TTC13: variants seen among roughly 807,000 people sequenced by gnomAD.
TTC13 encodes tetratricopeptide repeat protein 13.
Under a neutral mutation model 120.0 loss-of-function variants are expected in TTC13, and 62 were observed. That is an observed-to-expected ratio of 0.52 (90% CI 0.42 to 0.64). The LOEUF (loss-of-function observed/expected upper bound fraction) is 0.64. Among genes scored for constraint, TTC13 ranks in the 30% least tolerant of loss-of-function variants. TTC13 has a pLI of 0.00. For missense variants in TTC13, 824 were observed against 1,050.2 expected, an observed-to-expected ratio of 0.78 and a Z score of 2.98; for synonymous variants, 384 against 393.5, an observed-to-expected ratio of 0.98 and a Z score of 0.28.
chr1:230,922,306 T>G (rs1490174752), intron 15 of TTC13, among the ~76,000 whole-genome samples: 2 of 152,110 alleles, frequency 1.3e-5, no homozygotes, highest in Non-Finnish European at 2.9e-5. Context: ...CCTCTCCAAC[T>G]CACTACCACA....
rs747003518 is a variant in TTC13 at position 230,911,459 on chromosome 1, A to C, written c.2309+11T>G. On this transcript the variant is annotated intron_variant, in intron 20 of 22. Coordinates refer to ENST00000366661, the MANE Select transcript of TTC13 (RefSeq NM_024525.5). ...AATTTAAAATAATTTTAATGACAGGATATTACTTACCTGGATCCTCGAGAG... is the reference window on the plus strand; with the variant it reads ...AATTTAAAATAATTTTAATGACAGGCTATTACTTACCTGGATCCTCGAGAG... 1.3e-6 allele frequency: 2 copies of C among 1,547,186 alleles called. No homozygotes were observed. The highest frequency in any genetic ancestry group is 1.9e-5 in the Admixed American group (1 of 51,780).
intron 15 of TTC13, among the ~76,000 whole-genome samples, chr1:230,922,386 C>T (rs749517598): frequency 5.3e-5 from 8 of 152,292 alleles, no homozygotes; most frequent in East Asian, 1.9e-4. Context: ...CCCTTACCTC[C>T]GAGGTTCCTG....
chr1:230,978,551 C>A lies in TTC13; in HGVS notation c.271+9G>T. ...CGGCCGACTCGGACGCCCGCCGCCG[C>A]CCACTCACCGCCGCACTCGGCAGAG... is the stretch of plus-strand genomic sequence containing the variant. On this transcript the variant is annotated intron_variant, in intron 1 of 22. Coordinates refer to ENST00000366661, the MANE Select transcript of TTC13 (RefSeq NM_024525.5). This position sits in a 1 kb window ranked among gnomAD's most constrained non-coding sequence, Gnocchi z 5.6. 2.0e-6 allele frequency: 2 copies of A among 984,098 alleles called. No individual in the cohort carries two copies. The allele number at this position is 984,098 out of a possible 1,614,324, so 61.0% of individuals were successfully genotyped here.
intron 18 of TTC13, among the ~76,000 whole-genome samples, chr1:230,915,109 T>C (rs182079972): frequency 2.6e-4 from 39 of 152,270 alleles, no homozygotes; most frequent in African/African-American, 8.7e-4. Context: ...TTCAAAGATA[T>C]AGAAAAGCCC....
intron 8 of TTC13, among the ~76,000 whole-genome samples, chr1:230,934,256 G>T (rs150030377): frequency 1.3e-5 from 2 of 152,166 alleles, no homozygotes; most frequent in African/African-American, 2.4e-5. Flanking sequence ...AATTTAAAAT[G>T]ATCATAACTG....
At chr1:230,955,284 T>G (rs943616522) in intron 3 of TTC13, among the ~76,000 whole-genome samples, 8 of 152,182 alleles carry the variant, frequency 5.3e-5, no homozygotes, top group Admixed American at 3.9e-4. Flanking sequence ...TACTGCAATA[T>G]CCTTTAGGAC....
intron 1 of TTC13, among the ~76,000 whole-genome samples, chr1:230,970,299 G>C (rs1437567213): frequency 2.0e-5 from 3 of 152,242 alleles, no homozygotes; most frequent in African/African-American, 7.2e-5. Context: ...AGGTCCAAGA[G>C]AGAGTGGAGT....
At chr1:230,966,946 T>G (rs1677185614) in intron 1 of TTC13, among the ~76,000 whole-genome samples, 1 of 152,050 alleles carries the variant, frequency 6.6e-6, no homozygotes, top group Non-Finnish European at 1.5e-5. Flanking sequence ...CTGAGGGAAA[T>G]TATGGATTTC....
In TTC13 at chr1:230,939,378, A is replaced by T. The variant is rs762811943; in HGVS notation, c.900+8T>A. The T allele has an allele frequency of 1.2e-4, 193 of 1,578,052 alleles. No individual in the cohort carries two copies. Among genetic ancestry groups the T allele is most frequent in the Non-Finnish European group, 1.6e-4 (181 of 1,149,250 alleles). ...ATCATATGGTACACATATGCACAAC[A>T]CTTTCACCTTCAGAAGTCCTCTGTG... On this transcript the variant is annotated splice_region_variant and intron_variant, in intron 8 of 22. Transcript: ENST00000366661.
chr1:230,970,678 T>C (rs1677643652), intron 1 of TTC13, among the ~76,000 whole-genome samples: 1 of 152,158 alleles, frequency 6.6e-6, no homozygotes, highest in South Asian at 2.1e-4. Context: ...GAAGGTGGCA[T>C]TGGCAGTAGC....
At chr1:230,976,891 T>C (rs909588048) in intron 1 of TTC13, among the ~76,000 whole-genome samples, 1 of 152,176 alleles carries the variant, frequency 6.6e-6, no homozygotes, top group Non-Finnish European at 1.5e-5. Context: ...TATTAATCGA[T>C]ACATACCTTC....
At chr1:230,950,290 TTAAAAAGTTTCTA>T (rs1675447172) in intron 4 of TTC13, among the ~76,000 whole-genome samples, 1 of 152,002 alleles carries the variant, frequency 6.6e-6, no homozygotes, top group African/African-American at 2.4e-5. Context: ...AAAAGTTTCT[TTAAAAAGTTTCTA>T]TACTCTTAAA....
In TTC13 at chr1:230,944,262, C is replaced by T. The variant is rs1163979668; in HGVS notation, c.580-364G>A. Among the ~76,000 whole-genome samples the T allele has an allele frequency of 6.6e-6, 1 of 152,150 alleles. No homozygotes were observed. Among genetic ancestry groups the T allele is most frequent in the Non-Finnish European group, 1.5e-5 (1 of 68,038 alleles). On this transcript the variant is annotated intron_variant, in intron 5 of 22. Transcript: ENST00000366661. The surrounding 1 kb of genome is among the most constrained non-coding windows in gnomAD (Gnocchi z 4.0). ...AGGCTGACCTGTGGCAACAGGGGAA[C>T]AGAAATGGGTCAAGACAGTGTCTAT...
chr1:230,914,979 G>A (rs6677795), intron 18 of TTC13, among the ~76,000 whole-genome samples: 102,827 of 151,606 alleles, frequency 0.68, 34,942 homozygotes, highest in Admixed American at 0.72. Context: ...GATACACATC[G>A]TGGATGTGTG....
intron 19 of TTC13, among the ~76,000 whole-genome samples, chr1:230,912,096 G>C (rs1297650701): frequency 1.3e-5 from 2 of 152,132 alleles, no homozygotes; most frequent in Non-Finnish European, 2.9e-5. Flanking sequence ...GTGGTGGGGA[G>C]AGAATGTCCA....
chr1:230,921,283 G>A lies in TTC13; in HGVS notation c.1898+138C>T, dbSNP rs112228011. ...AGAAAGTGATTATGAAAGCCTTTAC[G>A]ATTCTAAACACTGTGTAAAAATTTG... is the stretch of plus-strand genomic sequence containing the variant. On this transcript the variant is annotated intron_variant, in intron 16 of 22. Transcript: ENST00000366661. 91 of 519,262 alleles carry A rather than the reference G, an allele frequency of 1.8e-4. 1 individual carries two copies. The highest frequency in any genetic ancestry group is 1.6e-3 in the African/African-American group (77 of 49,260). 32.2% of individuals were successfully genotyped at this position (519,262 alleles called of 1,614,324 possible).
rs1228530687 is a variant in TTC13, at chr1:230,906,711, T to C, written c.*194A>G. The C allele has an allele frequency of 9.4e-6, 3 of 319,548 alleles. No individual in the cohort carries two copies. The highest frequency in any genetic ancestry group is 4.9e-5 in the Admixed American group (1 of 20,418). 19.8% of individuals were successfully genotyped at this position (319,548 alleles called of 1,614,324 possible). On this transcript the variant is annotated 3_prime_UTR_variant, in exon 23 of 23. Coordinates refer to ENST00000366661, the MANE Select transcript of TTC13 (RefSeq NM_024525.5). ...TTTCCCTCCAAGTCAAGTAGCTTTTTCCCCCCGAAAGCCTCTTTCATGATT... is the reference window on the plus strand; with the variant it reads ...TTTCCCTCCAAGTCAAGTAGCTTTTCCCCCCCGAAAGCCTCTTTCATGATT...
At chr1:230,914,136 A>C (rs1671783570) in intron 18 of TTC13, among the ~76,000 whole-genome samples, 1 of 152,172 alleles carries the variant, frequency 6.6e-6, no homozygotes. Flanking sequence ...AAGTGAGGTG[A>C]AGCAGGAAAT....
rs74143522 is a variant in TTC13 at position 230,970,856 on chromosome 1, G to A, written c.271+7704C>T. Among the ~76,000 whole-genome samples, 1,472 of 152,236 alleles carry A rather than the reference G, an allele frequency of 9.7e-3. 24 individuals carry two copies. The highest frequency in any genetic ancestry group is 0.033 in the African/African-American group (1,387 of 41,538). ...GAGCTACTTGAAAATAAGGATGACT[G>A]GGCTTTTCCCTTGGATGAGCTACAA... On this transcript the variant is annotated intron_variant, in intron 1 of 22. Coordinates refer to ENST00000366661, the MANE Select transcript of TTC13 (RefSeq NM_024525.5).
Sources: gnomAD v4.1 joint callset for allele counts (sites outside exome capture counted in the v4.1 genomes callset) on GRCh38, gnomAD v4.1.1 for gene constraint, Gnocchi (gnomAD v3.1) non-coding constraint, MANE v1.5 for transcripts, NCBI Gene and HGNC (gene_info 2026-07-23, HGNC 2026-07-21) for gene names.